SMTNL2: variants seen among roughly 807,000 people sequenced by gnomAD.
SMTNL2 encodes the protein smoothelin like 2.
A neutral mutation model predicts 44.1 loss-of-function variants in SMTNL2; 43 were observed. The observed-to-expected ratio is 0.98, with a 90% CI of 0.76 to 1.26. The LOEUF (loss-of-function observed/expected upper bound fraction) is 1.26, where lower values mean the gene tolerates loss of function less well. SMTNL2 is among the 50% of genes most tolerant of loss of function. The pLI is 0.00. For synonymous variants in SMTNL2, 317 were observed against 287.6 expected (o/e 1.10, Z -1.03); for missense variants, 646 against 670.2 (o/e 0.96, Z 0.40).
chr17:4,606,981 A>C (rs1406390731), intron 7 of SMTNL2, among the ~76,000 whole-genome samples: 1 of 152,148 alleles, frequency 6.6e-6, no homozygotes, highest in Non-Finnish European at 1.5e-5. Context: ...GCTACTTGGG[A>C]AGACAAGGCG....
intron 7 of SMTNL2, among the ~76,000 whole-genome samples, chr17:4,601,091 G>A (rs371571280): frequency 6.6e-6 from 1 of 152,212 alleles, no homozygotes; most frequent in Non-Finnish European, 1.5e-5. Context: ...GATGCGGGGC[G>A]TAAGCAAAGA....
At position 4,600,263 on chromosome 17, in the gene SMTNL2, T is replaced by G. The variant is rs929543989; in HGVS notation, c.1259+2940T>G. Among the ~76,000 whole-genome samples the G allele has an allele frequency of 6.6e-6, 1 of 152,184 alleles. No homozygotes were observed. Among genetic ancestry groups the G allele is most frequent in the African/African-American group, 2.4e-5 (1 of 41,432 alleles). On this transcript the variant is annotated intron_variant, in intron 7 of 7. Coordinates refer to ENST00000389313, the MANE Select transcript of SMTNL2 (RefSeq NM_001114974.2). This position sits in a 1 kb window ranked among gnomAD's most constrained non-coding sequence, Gnocchi z 4.7. ...CGCAGGGACACCTGCCTGAGGGTAC[T>G]AGCTGTCAGTGTCCTCACCGATGTT... is the stretch of plus-strand genomic sequence containing the variant.
At chr17:4,594,721 T>C (rs1424565425) in intron 4 of SMTNL2, among the ~76,000 whole-genome samples, 1 of 151,544 alleles carries the variant, frequency 6.6e-6, no homozygotes, top group Non-Finnish European at 1.5e-5. Context: ...TTTTTTTTTT[T>C]TCTTTAATAA....
chr17:4,590,832 CA>C (rs1242963844), intron 1 of SMTNL2, among the ~76,000 whole-genome samples: 7 of 152,168 alleles, frequency 4.6e-5, no homozygotes, highest in African/African-American at 1.7e-4. Flanking sequence ...GCCTGAAACA[CA>C]GAGCCGAGGA....
chr17:4,584,450 T>A (rs1909253093), upstream of SMTNL2: 1 of 808,476 alleles, frequency 1.2e-6, no homozygotes, highest in African/African-American at 1.8e-5. Flanking sequence ...CCCGGAGTCG[T>A]CCCCGGCTCC....
In SMTNL2 at chr17:4,603,497, G is replaced by A. The variant is rs528115627; in HGVS notation, c.1260-3864G>A. On this transcript the variant is annotated intron_variant, in intron 7 of 7. Transcript: ENST00000389313. ...CAGAGGGTTCTGAGCTGTCCTTGGA[G>A]GAAATTGGGTCCCCTTTCCCTGGAC... Among the ~76,000 whole-genome samples the A allele has an allele frequency of 2.3e-4, 35 of 152,332 alleles. 1 individual carries two copies. Among genetic ancestry groups the A allele is most frequent in the Middle Eastern group, 6.8e-3 (2 of 294 alleles).
rs1440482454 is a variant in SMTNL2 at position 4,595,565 on chromosome 17, T to C, written c.989+238T>C. ...TGTGAGGCAGGGAGCCAGGAAGGCT[T>C]GGTGAGAGCCCCTCTCTCCTCCTCC... On this transcript the variant is annotated intron_variant, in intron 5 of 7. Coordinates refer to ENST00000389313, the MANE Select transcript of SMTNL2 (RefSeq NM_001114974.2). This position sits in a 1 kb window ranked among gnomAD's most constrained non-coding sequence, Gnocchi z 5.1. Among the ~76,000 whole-genome samples, 1 of 152,178 alleles carries C rather than the reference T, an allele frequency of 6.6e-6. No individual in the cohort carries two copies. Among genetic ancestry groups the C allele is most frequent in the African/African-American group, 2.4e-5 (1 of 41,448 alleles).
At chr17:4,599,301 G>A (rs1010183419) in intron 7 of SMTNL2, among the ~76,000 whole-genome samples, 1 of 152,188 alleles carries the variant, frequency 6.6e-6, no homozygotes, top group Non-Finnish European at 1.5e-5. Flanking sequence ...AGCGTGTTGT[G>A]CAACTGGATC....
At position 4,593,883 on chromosome 17, in the gene SMTNL2, C is replaced by T; in HGVS notation, c.792C>T (p.Ser264=). 1 of 1,614,022 alleles carries T rather than the reference C, an allele frequency of 6.2e-7. No homozygotes were observed. Among genetic ancestry groups the T allele is most frequent in the Non-Finnish European group, 8.5e-7 (1 of 1,179,988 alleles). ...CTGGCTATGGGGCAGTGACAGCAAG[C>T]AAACACAGCAATAGGTGAGTCAGGG... ...PSSGYGAVTA[S]KHSNSPPLVT... Residue 264 remains serine (S), a synonymous_variant, in exon 4 of 8, where the codon AGC becomes AGT. Transcript: ENST00000389313.
At position 4,592,389 on chromosome 17, in the gene SMTNL2, C is replaced by T. The variant is rs189303373; in HGVS notation, c.428C>T (p.Ser143Leu). Residue 143 changes from serine to leucine, a missense_variant, in exon 2 of 8, where the codon TCG becomes TTG. Transcript: ENST00000389313. The surrounding 1 kb of genome is among the most constrained non-coding windows in gnomAD (Gnocchi z 4.5). ...QSLDHDEASE[S>L]EMRKTSNSCI... is the part of the protein sequence containing the mutation. ...TTGGATCACGATGAGGCCAGTGAGT[C>T]GGAGATGAGAAAGACCTCAAACTCC... 1,520 of 1,613,444 alleles carry T rather than the reference C, an allele frequency of 9.4e-4. 2 individuals are homozygous for T. The highest frequency in any genetic ancestry group is 1.2e-3 in the Non-Finnish European group (1,407 of 1,179,940).
chr17:4,589,742 C>G (rs558706126), intron 1 of SMTNL2, among the ~76,000 whole-genome samples: 1 of 152,026 alleles, frequency 6.6e-6, no homozygotes. Flanking sequence ...TGGCTTCGCT[C>G]AGGGCTAAAG....
intron 3 of SMTNL2, among the ~76,000 whole-genome samples, 157 bp downstream of exon 3, chr17:4,593,328 A>G (rs904563924): frequency 6.6e-6 from 1 of 152,236 alleles, no homozygotes; most frequent in East Asian, 1.9e-4. Flanking sequence ...CCCTTAGCCC[A>G]TCCTCCCGGG....
chr17:4,601,767 G>C (rs538476561), intron 7 of SMTNL2, among the ~76,000 whole-genome samples: 1 of 151,744 alleles, frequency 6.6e-6, no homozygotes, highest in African/African-American at 2.4e-5. Context: ...TGATCCTCCC[G>C]TCTCAGCCTC....
At position 4,595,441 on chromosome 17, in the gene SMTNL2, G is replaced by A. The variant is rs1197477736; in HGVS notation, c.989+114G>A. Reference sequence around the variant, plus strand: ...GCCCTGTCCTGTTCCCCAGGGCGCTGTTGCCCAGGACAAGATCTCTTGGGC... The same window carrying A: ...GCCCTGTCCTGTTCCCCAGGGCGCTATTGCCCAGGACAAGATCTCTTGGGC... On this transcript the variant is annotated intron_variant, in intron 5 of 7. Transcript: ENST00000389313. The surrounding 1 kb of genome is among the most constrained non-coding windows in gnomAD (Gnocchi z 5.1). 1 of 1,403,334 alleles carries A rather than the reference G, an allele frequency of 7.1e-7. No homozygotes were observed. The highest frequency in any genetic ancestry group is 9.6e-7 in the Non-Finnish European group (1 of 1,043,134). The allele number at this position is 1,403,334 out of a possible 1,614,324, so 86.9% of individuals were successfully genotyped here.
Position 4,593,045 on chromosome 17 carries a change from C to A in SMTNL2, c.604C>A (p.Arg202=). Reference sequence around the variant, plus strand: ...CCACCAGCCAGTCACGGCCATCACCCGAGTCTCTGACAGGTTCTCTGGGGA... The same window carrying A: ...CCACCAGCCAGTCACGGCCATCACCAGAGTCTCTGACAGGTTCTCTGGGGA... ...LPHQPVTAIT[R]VSDRFSGETS... is the part of the protein sequence containing the mutation. The change falls in exon 3 of 8, where the codon CGA becomes AGA. Residue 202 remains arginine (R), a synonymous_variant. Transcript: ENST00000389313. 6.2e-7 allele frequency: 1 copy of A among 1,614,076 alleles called. No homozygotes were observed. Among genetic ancestry groups the A allele is most frequent in the Non-Finnish European group, 8.5e-7 (1 of 1,180,004 alleles).
chr17:4,589,037 G>A lies in SMTNL2; in HGVS notation c.400-3324G>A, dbSNP rs147794762. On this transcript the variant is annotated intron_variant, in intron 1 of 7. Coordinates refer to ENST00000389313, the MANE Select transcript of SMTNL2 (RefSeq NM_001114974.2). ...GAATGCTTCTAGTCGTGGGGCAGGG[G>A]AGCTTGGGAGTCTGGGCTCAGCCCT... Among the ~76,000 whole-genome samples the A allele has an allele frequency of 3.2e-3, 485 of 152,222 alleles. 1 individual carries two copies. Among genetic ancestry groups the A allele is most frequent in the Non-Finnish European group, 5.5e-3 (372 of 68,006 alleles).
Position 4,599,588 on chromosome 17 carries a change from G to C in SMTNL2, c.1259+2265G>C, listed in dbSNP as rs80154605. 6.4e-3 allele frequency among the ~76,000 whole-genome samples: 970 copies of C among 152,316 alleles called. 13 individuals are homozygous for C. Among genetic ancestry groups the C allele is most frequent in the African/African-American group, 0.023 (941 of 41,566 alleles). ...TCCTTGTCTAAGTCCAGTGATGCCC[G>C]CTTATGCCCTGGTCACCTTGGTCAC... On this transcript the variant is annotated intron_variant, in intron 7 of 7. Transcript: ENST00000389313.
intron 1 of SMTNL2, among the ~76,000 whole-genome samples, chr17:4,585,890 G>A (rs1909329819): frequency 6.6e-6 from 1 of 152,214 alleles, no homozygotes; most frequent in Admixed American, 6.5e-5. Flanking sequence ...AGGGGGCCTG[G>A]AGGAGGGTAT....
Position 4,596,918 on chromosome 17 carries a change from G to A in SMTNL2, c.1048G>A (p.Ala350Thr), listed in dbSNP as rs200110141. Residue 350 changes from alanine to threonine, a missense_variant, in exon 6 of 8, where the codon GCC (alanine) becomes ACC (threonine). Physicochemically the swap from Ala to Thr is moderately conservative, Grantham distance 58 (BLOSUM62 0). Coordinates refer to ENST00000389313, the MANE Select transcript of SMTNL2 (RefSeq NM_001114974.2). ...GTCGCAGAGCTTCGGCGTGGCCAGC[G>A]CCAGCAGCATCAAGCAGATCCTGCT... ...KRSQSFGVAS[A>T]SSIKQILLEW... is the part of the protein sequence containing the mutation. The A allele has an allele frequency of 9.2e-6, 14 of 1,525,126 alleles. No individual in the cohort carries two copies. Among genetic ancestry groups the A allele is most frequent in the Admixed American group, 8.0e-5 (4 of 50,106 alleles). The allele number at this position is 1,525,126 out of a possible 1,614,324, so 94.5% of individuals were successfully genotyped here.
Sources: allele counts gnomAD v4.1 joint callset (sites outside exome capture counted in the v4.1 genomes callset), GRCh38; gene constraint gnomAD v4.1.1; non-coding constraint Gnocchi (gnomAD v3.1); transcripts MANE v1.5; gene names NCBI Gene and HGNC (gene_info 2026-07-23, HGNC 2026-07-21).